MTHFD1L: variants seen among roughly 807,000 people sequenced by gnomAD.
The protein encoded by MTHFD1L is methylenetetrahydrofolate dehydrogenase (NADP+ dependent) 1 like.
In MTHFD1L, 81 loss-of-function variants were observed where a neutral mutation model predicts 119.5. The ratio of observed to expected loss-of-function variants is 0.68; its 90% CI spans 0.57 to 0.82. The LOEUF (loss-of-function observed/expected upper bound fraction) is 0.82, where lower values mean the gene tolerates loss of function less well. Ranked by LOEUF, MTHFD1L falls within the 40% of genes least tolerant of loss-of-function variation. The probability of loss-of-function intolerance (pLI) is 0.00; values close to 1 mark genes in which losing one functional copy is unlikely to be tolerated. For missense variants in MTHFD1L, 1,125 were observed against 1,253.4 expected, an observed-to-expected ratio of 0.90 and a Z score of 1.55; for synonymous variants, 430 against 475.2, an observed-to-expected ratio of 0.90 and a Z score of 1.24.
At chr6:150,871,998 C>T (rs1055520979) in intron 1 of MTHFD1L, among the ~76,000 whole-genome samples, 1 of 151,958 alleles carries the variant, frequency 6.6e-6, no homozygotes, top group Non-Finnish European at 1.5e-5. Flanking sequence ...CTGCTTCAGC[C>T]TCCCGAGTAG....
intron 1 of MTHFD1L, among the ~76,000 whole-genome samples, chr6:150,874,055 C>G (rs951454365): frequency 6.6e-6 from 1 of 152,066 alleles, no homozygotes; most frequent in Admixed American, 6.5e-5. Context: ...TTCCTGGACC[C>G]AGACAAAAAT....
intron 20 of MTHFD1L, among the ~76,000 whole-genome samples, chr6:150,981,757 A>G (rs1777530191): frequency 6.6e-6 from 1 of 152,176 alleles, no homozygotes; most frequent in Admixed American, 6.5e-5. Context: ...TATAATTTTC[A>G]CGTGTAATAA....
intron 26 of MTHFD1L, among the ~76,000 whole-genome samples, chr6:151,083,981 C>T (rs1225480316): frequency 6.6e-6 from 1 of 152,160 alleles, no homozygotes. Flanking sequence ...ATACAACGTG[C>T]TTAGCATGGC....
intron 19 of MTHFD1L, among the ~76,000 whole-genome samples, chr6:150,969,753 G>T (rs1219715720): frequency 6.6e-6 from 1 of 152,132 alleles, no homozygotes. Flanking sequence ...TTTCCATAGA[G>T]AAACCACTTC....
At chr6:151,064,132 A>G (rs397832657) in intron 26 of MTHFD1L, among the ~76,000 whole-genome samples, 4,922 of 152,268 alleles carry the variant, frequency 0.032, 160 homozygotes, top group Admixed American at 0.1. Flanking sequence ...GAATCAATGA[A>G]CTTTAAATGA....
At chr6:150,992,527 T>C (rs913725305) in intron 20 of MTHFD1L, among the ~76,000 whole-genome samples, 1 of 152,188 alleles carries the variant, frequency 6.6e-6, no homozygotes, top group Non-Finnish European at 1.5e-5. Flanking sequence ...TAAGTAATCA[T>C]GGTAAAATGT....
chr6:150,905,717 A>G lies in MTHFD1L; in HGVS notation c.848A>G (p.Gln283Arg), dbSNP rs1357762813. 6.2e-7 allele frequency: 1 copy of G among 1,614,176 alleles called. No individual in the cohort carries two copies. The highest frequency in any genetic ancestry group is 2.2e-5 in the East Asian group (1 of 44,878). The change falls in exon 8 of 28, where the codon CAA (glutamine) becomes CGA (arginine). Residue 283 changes from glutamine (Q) to arginine (R), a missense_variant. By Grantham distance (43) the Gln-to-Arg change is conservative (BLOSUM62 1). Around this residue, in one of 3 missense-constraint regions of MTHFD1L, gnomAD observed 1,058 missense variants for 1,151.2 expected, o/e 0.92. Coordinates refer to ENST00000367321, the MANE Select transcript of MTHFD1L (RefSeq NM_015440.5). ...KPEEIPLTWI[Q>R]PGTTVLNCSH... is the part of the protein sequence containing the mutation. Reference sequence around the variant, plus strand: ...GAAGAGATTCCCCTTACTTGGATACAACCAGGAACTACTGTTCTCAACTGC... The same window carrying G: ...GAAGAGATTCCCCTTACTTGGATACGACCAGGAACTACTGTTCTCAACTGC...
In MTHFD1L at chr6:151,034,508, A is replaced by C; in HGVS notation, c.2602A>C (p.Lys868Gln). 1 of 1,610,692 alleles carries C rather than the reference A, an allele frequency of 6.2e-7. No homozygotes were observed. The highest frequency in any genetic ancestry group is 8.5e-7 in the Non-Finnish European group (1 of 1,178,684). Reference sequence around the variant, plus strand: ...GTTTCTCCAGGTTCCAATTGTGGACAAGATAAGGACCATTGCTCAGGCTGT... The same window carrying C: ...GTTTCTCCAGGTTCCAATTGTGGACCAGATAAGGACCATTGCTCAGGCTGT... ...LYDVQVPIVD[K>Q]IRTIAQAVYG... The change falls in exon 25 of 28, where the codon AAG becomes CAG. Residue 868 changes from lysine (K) to glutamine (Q), a missense_variant. By Grantham distance (53) the Lys-to-Gln change is moderately conservative. Around this residue, in one of 3 missense-constraint regions of MTHFD1L, gnomAD observed 1,058 missense variants for 1,151.2 expected, o/e 0.92. Coordinates refer to ENST00000367321, the MANE Select transcript of MTHFD1L (RefSeq NM_015440.5).
intron 20 of MTHFD1L, among the ~76,000 whole-genome samples, chr6:150,973,798 A>T (rs1018487058): frequency 6.6e-6 from 1 of 152,186 alleles, no homozygotes; most frequent in Admixed American, 6.5e-5. Context: ...GTTGGACCAG[A>T]TGAGGAGTTG....
rs555283743 is a variant in MTHFD1L, at chr6:151,099,548, T to C, written c.*32-1978T>C. 1.1e-4 allele frequency: 182 copies of C among 1,604,458 alleles called. 3 individuals carry two copies. In the East Asian group the frequency reaches 4.0e-3, roughly 35 times the overall value. Reference sequence around the variant, plus strand: ...ATCTTGGCCGCCCTCAGACCCCTTGTGAAGCCCAAGATCGTCAAAAAGAGA... The same window carrying C: ...ATCTTGGCCGCCCTCAGACCCCTTGCGAAGCCCAAGATCGTCAAAAAGAGA... On this transcript the variant is annotated intron_variant, in intron 27 of 27. Transcript: ENST00000367321.
At chr6:151,092,665 G>GTGGTATCAGAAAAA in intron 27 of MTHFD1L, 78 bp downstream of exon 27, 1 of 792,656 alleles carries the variant, frequency 1.3e-6, no homozygotes, top group Non-Finnish European at 2.0e-6. Context: ...TTTTTTTTCT[G>GTGGTATCAGAAAAA]ATACCACAGA....
At chr6:151,048,257 A>G (rs1788420954) in intron 26 of MTHFD1L, among the ~76,000 whole-genome samples, 1 of 151,960 alleles carries the variant, frequency 6.6e-6, no homozygotes, top group Non-Finnish European at 1.5e-5. Context: ...CAGACACTCC[A>G]TTTCTCTTTC....
chr6:151,053,131 T>G (rs1274657355), intron 26 of MTHFD1L, among the ~76,000 whole-genome samples: 6 of 152,260 alleles, frequency 3.9e-5, no homozygotes, highest in Non-Finnish European at 5.9e-5. Flanking sequence ...TGAGATACCA[T>G]GCAGTATTTG....
chr6:151,091,824 G>T (rs1013225821), intron 26 of MTHFD1L, among the ~76,000 whole-genome samples: 1 of 152,172 alleles, frequency 6.6e-6, no homozygotes, highest in Non-Finnish European at 1.5e-5. Flanking sequence ...TTACTAGTGT[G>T]ACCTGGGCAA....
At chr6:150,998,852 C>T (rs13362797) in intron 20 of MTHFD1L, among the ~76,000 whole-genome samples, 33,334 of 147,758 alleles carry the variant, frequency 0.23, 3,859 homozygotes, top group Middle Eastern at 0.3. Context: ...TAGCTGGGCA[C>T]GGTGGCACAC....
chr6:151,092,140 C>T (rs1377646718), intron 26 of MTHFD1L, among the ~76,000 whole-genome samples: 1 of 152,044 alleles, frequency 6.6e-6, no homozygotes, highest in East Asian at 1.9e-4. Flanking sequence ...ACCTGATGGG[C>T]TTGTCTTTGT....
chr6:151,092,960 C>T (rs1794584243), intron 27 of MTHFD1L, among the ~76,000 whole-genome samples: 1 of 152,186 alleles, frequency 6.6e-6, no homozygotes, highest in African/African-American at 2.4e-5. Flanking sequence ...AACTTCCTAC[C>T]TTCCTGCCAC....
chr6:151,001,649 G>A (rs916109406), intron 20 of MTHFD1L, among the ~76,000 whole-genome samples: 1 of 152,158 alleles, frequency 6.6e-6, no homozygotes, highest in Non-Finnish European at 1.5e-5. Context: ...TCACTCGGCT[G>A]GGAGTGGGTA....
intron 8 of MTHFD1L, among the ~76,000 whole-genome samples, chr6:150,909,171 G>A (rs1786440977): frequency 6.6e-6 from 1 of 151,636 alleles, no homozygotes; most frequent in South Asian, 2.1e-4. Flanking sequence ...CAGCTAGTTG[G>A]TTCTGTTCAC....
Sources: allele counts gnomAD v4.1 joint callset (sites outside exome capture counted in the v4.1 genomes callset), GRCh38; gene constraint gnomAD v4.1.1; regional missense constraint gnomAD v4.1.1; transcripts MANE v1.5; gene names NCBI Gene and HGNC (gene_info 2026-07-23, HGNC 2026-07-21).